Variants in DLX3 observed in about 807,000 individuals in gnomAD.
The protein encoded by DLX3 is distal-less homeobox 3, also known as homeobox protein DLX-3.
In DLX3, 9 loss-of-function variants were observed where a neutral mutation model predicts 28.0. The ratio of observed to expected loss-of-function variants is 0.32; its 90% CI spans 0.19 to 0.56. The LOEUF is 0.56. DLX3 is among the 20% of genes least tolerant of loss of function. The probability of loss-of-function intolerance (pLI) is 0.91; values close to 1 mark genes in which losing one functional copy is unlikely to be tolerated. For missense variants in DLX3, 313 were observed against 378.2 expected, an observed-to-expected ratio of 0.83 and a Z score of 1.43; for synonymous variants, 154 against 167.9, an observed-to-expected ratio of 0.92 and a Z score of 0.64.
intron 2 of DLX3, 135 bp from the exon 3 acceptor site, chr17:49,991,999 C>G (rs1482996005): frequency 1.2e-6 from 1 of 842,032 alleles, no homozygotes; most frequent in Non-Finnish European, 1.9e-6. Context: ...GGCCTCCTGA[C>G]TCCCAGTTTC....
rs911100719 is a variant in DLX3, at chr17:49,994,660, C to T, written c.325+14G>A. The T allele has an allele frequency of 1.9e-6, 3 of 1,614,016 alleles. No individual in the cohort carries two copies. Among genetic ancestry groups the T allele is most frequent in the South Asian group, 1.1e-5 (1 of 91,060 alleles). ...CAGTGTCTCCCACTGTCCTCGCGAC[C>T]CCGTGGCCCTCACCTGGGTCCTGGG... is the stretch of plus-strand genomic sequence containing the variant. On this transcript the variant is annotated intron_variant, in intron 1 of 2. Coordinates refer to ENST00000434704, the MANE Select transcript of DLX3 (RefSeq NM_005220.3).
Position 49,991,355 on chromosome 17 carries a change from A to C in DLX3, c.*162T>G. The C allele has an allele frequency of 6.1e-6, 4 of 659,968 alleles. No individual in the cohort carries two copies. Among genetic ancestry groups the C allele is most frequent in the South Asian group, 2.0e-5 (1 of 51,056 alleles). 40.9% of individuals were successfully genotyped at this position (659,968 alleles called of 1,614,324 possible). ...TCAGGGGGCATCCTTGGTCCATGCA[A>C]TTGTCATCTGGAAGCGCTTGGGTCC... On this transcript the variant is annotated 3_prime_UTR_variant, in exon 3 of 3. Transcript: ENST00000434704.
Position 49,995,008 on chromosome 17 carries a change from C to T in DLX3, c.-10G>A. The T allele has an allele frequency of 6.2e-7, 1 of 1,609,592 alleles. No individual in the cohort carries two copies. The stretch of plus-strand genomic sequence containing the variant: ...CGAAGGAGCCACTCATCCTGGCGGG[C>T]GCTGCACCTCCCCAGGGCTGGCCTC... On this transcript the variant is annotated 5_prime_UTR_variant, in exon 1 of 3. Coordinates refer to ENST00000434704, the MANE Select transcript of DLX3 (RefSeq NM_005220.3).
Position 49,991,560 on chromosome 17 carries a change from T to C in DLX3, c.821A>G (p.His274Arg). The C allele has an allele frequency of 1.2e-6, 2 of 1,611,740 alleles. No individual in the cohort carries two copies. Among genetic ancestry groups the C allele is most frequent in the East Asian group, 2.2e-5 (1 of 44,858 alleles). ...GTTGGGCGGGGGCCCGGGAGAGGCA[T>C]GGTGCAGGGTGGCTGGCTGAGGCGG... is the stretch of plus-strand genomic sequence containing the variant. ...QQPPQPATLH[H>R]ASPGPPPNPG... Residue 274 changes from histidine to arginine, a missense_variant, in exon 3 of 3, where the codon CAT becomes CGT. Physicochemically the swap from His to Arg is conservative, Grantham distance 29 (BLOSUM62 0). This residue lies in a region of DLX3 where 120 missense variants were observed against 145.4 expected (regional missense o/e 0.83). Transcript: ENST00000434704.
chr17:49,990,845 A>C lies in DLX3; in HGVS notation c.*672T>G, dbSNP rs1199044392. Reference sequence around the variant, plus strand: ...CACCCCTCCTCTCGGAACGGAGGAGAGGGGAGAGAGATGGCTCCTTTAGTT... The same window carrying C: ...CACCCCTCCTCTCGGAACGGAGGAGCGGGGAGAGAGATGGCTCCTTTAGTT... On this transcript the variant is annotated 3_prime_UTR_variant, in exon 3 of 3. Transcript: ENST00000434704. The C allele has an allele frequency of 6.6e-6, 1 of 152,652 alleles. No individual in the cohort carries two copies. The highest frequency in any genetic ancestry group is 1.5e-5 in the Non-Finnish European group (1 of 68,058). The allele number at this position is 152,652 out of a possible 1,614,324, so 9.5% of individuals were successfully genotyped here. A position where few individuals can be genotyped will look rare whatever the true frequency, so the allele number is the denominator to read the frequency against.
intron 2 of DLX3, 49 bp downstream of exon 2, chr17:49,993,351 A>C: frequency 5.3e-6 from 8 of 1,521,990 alleles, no homozygotes; most frequent in East Asian, 2.5e-5. Context: ...CGCGCGGGGA[A>C]CTACGGGGTC....
intron 2 of DLX3, 42 bp downstream of exon 2, chr17:49,993,358 G>C: frequency 6.5e-7 from 1 of 1,545,158 alleles, no homozygotes; most frequent in Non-Finnish European, 8.7e-7. Context: ...GGAACTACGG[G>C]GTCCCGCGCG....
At position 49,994,736 on chromosome 17, in the gene DLX3, T is replaced by C. The variant is rs772972332; in HGVS notation, c.263A>G (p.Tyr88Cys). 1.1e-5 allele frequency: 18 copies of C among 1,614,084 alleles called. No homozygotes were observed. Among genetic ancestry groups the C allele is most frequent in the South Asian group, 1.1e-4 (10 of 91,082 alleles). The change falls in exon 1 of 3, where the codon TAC (tyrosine) becomes TGC (cysteine). Residue 88 changes from tyrosine to cysteine, a missense_variant. Physicochemically the swap from Tyr to Cys is radical, Grantham distance 194. Around this residue, in one of 3 missense-constraint regions of DLX3, gnomAD observed 183 missense variants for 197.7 expected, o/e 0.93. Coordinates refer to ENST00000434704, the MANE Select transcript of DLX3 (RefSeq NM_005220.3). ...CCCGTATTGCCGGTAGGAGGCTCCG[T>C]AGGTATATTCCGACTTGGGCGAGTA... ...GAYSPKSEYT[Y>C]GASYRQYGAY...
Position 49,991,594 on chromosome 17 carries a change from G to C in DLX3, c.787C>G (p.Gln263Glu), listed in dbSNP as rs538517320. The part of the protein sequence containing the change: ...HAQNLSGPHL[Q>E]QQPPQPATLH... ...GTGGCTGGCTGAGGCGGCTGCTGCT[G>C]TAAGTGGGGTCCACTCAGGTTCTGT... The change falls in exon 3 of 3, where the codon CAG (glutamine) becomes GAG (glutamate). Residue 263 changes from glutamine (Q) to glutamate (E), a missense_variant. Gln to Glu is a conservative substitution (Grantham distance 29). This residue lies in a region of DLX3 where 120 missense variants were observed against 145.4 expected (regional missense o/e 0.83). Transcript: ENST00000434704. The C allele has an allele frequency of 1.5e-5, 24 of 1,613,310 alleles. No homozygotes were observed. In the South Asian group the frequency reaches 2.2e-4, roughly 15 times the overall value.
At position 49,991,708 on chromosome 17, in the gene DLX3, C is replaced by A. The variant is rs745331311; in HGVS notation, c.673G>T (p.Ala225Ser). The A allele has an allele frequency of 1.2e-6, 2 of 1,612,896 alleles. No homozygotes were observed. Among genetic ancestry groups the A allele is most frequent in the Non-Finnish European group, 8.5e-7 (1 of 1,179,648 alleles). The change falls in exon 3 of 3, where the codon GCC (alanine) becomes TCC (serine). Residue 225 changes from alanine to serine, a missense_variant. Around this residue, in one of 3 missense-constraint regions of DLX3, gnomAD observed 120 missense variants for 145.4 expected, o/e 0.83. Coordinates refer to ENST00000434704, the MANE Select transcript of DLX3 (RefSeq NM_005220.3). ...LWDTSSHSTP[A>S]PARSQLPPPL... is the part of the protein sequence containing the mutation. The stretch of plus-strand genomic sequence containing the variant: ...GGGGGCAGCTGACTGCGGGCAGGGG[C>A]CGGAGTGGAGTGGGAAGAGGTGTCC...
At chr17:49,993,897 C>T (rs1418443264) in intron 1 of DLX3, among the ~76,000 whole-genome samples, 1 of 152,128 alleles carries the variant, frequency 6.6e-6, no homozygotes, top group Non-Finnish European at 1.5e-5. Context: ...GCTCGCCTCC[C>T]AGCCTCGGGG....
chr17:49,993,469 C>T lies in DLX3; in HGVS notation c.447G>A (p.Gln149=). The change falls in exon 2 of 3, where the codon CAG becomes CAA. Residue 149 remains glutamine, a synonymous_variant. Transcript: ENST00000434704. The part of the protein sequence containing the change: ...YQLAALQRRF[Q]KAQYLALPER... Reference sequence around the variant, plus strand: ...CGGGCAGCGCCAGGTACTGGGCCTTCTGGAAGCGGCGCTGCAGGGCGGCCA... The same window carrying T: ...CGGGCAGCGCCAGGTACTGGGCCTTTTGGAAGCGGCGCTGCAGGGCGGCCA... 1 of 1,612,596 alleles carries T rather than the reference C, an allele frequency of 6.2e-7. No individual in the cohort carries two copies. Among genetic ancestry groups the T allele is most frequent in the Non-Finnish European group, 8.5e-7 (1 of 1,179,450 alleles).
chr17:49,995,112 A>G lies in DLX3; in HGVS notation c.-114T>C. The G allele has an allele frequency of 7.4e-7, 1 of 1,349,418 alleles. No individual in the cohort carries two copies. Among genetic ancestry groups the G allele is most frequent in the South Asian group, 1.3e-5 (1 of 79,908 alleles). The allele number at this position is 1,349,418 out of a possible 1,614,324, so 83.6% of individuals were successfully genotyped here. A position where few individuals can be genotyped will look rare whatever the true frequency, so the allele number is the denominator to read the frequency against. ...GGGTGTGTGTCCAGAAGGCGAAGGG[A>G]GGACCCGGCCGCGTCTGGGGGGAGG... On this transcript the variant is annotated 5_prime_UTR_variant, in exon 1 of 3. Coordinates refer to ENST00000434704, the MANE Select transcript of DLX3 (RefSeq NM_005220.3).
chr17:49,992,465 G>C (rs1291944001), intron 2 of DLX3, among the ~76,000 whole-genome samples: 1 of 152,050 alleles, frequency 6.6e-6, no homozygotes, highest in African/African-American at 2.4e-5. Flanking sequence ...CACAACATGA[G>C]CACCCACATT....
rs1240900908 is a variant in DLX3 at position 49,990,833 on chromosome 17, G to T, written c.*684C>A. On this transcript the variant is annotated 3_prime_UTR_variant, in exon 3 of 3. Transcript: ENST00000434704. ...ACGTCTGAGACCCACCCCTCCTCTCGGAACGGAGGAGAGGGGAGAGAGATG... is the reference window on the plus strand; with the variant it reads ...ACGTCTGAGACCCACCCCTCCTCTCTGAACGGAGGAGAGGGGAGAGAGATG... 6.6e-6 allele frequency: 1 copy of T among 152,640 alleles called. No individual in the cohort carries two copies. The highest frequency in any genetic ancestry group is 1.5e-5 in the Non-Finnish European group (1 of 68,046). The allele number at this position is 152,640 out of a possible 1,614,324, so 9.5% of individuals were successfully genotyped here.
At position 49,990,607 on chromosome 17, in the gene DLX3, T is replaced by TG. The variant is rs1046178924; in HGVS notation, c.*909dup. 3.3e-5 allele frequency: 5 copies of TG among 152,588 alleles called. No homozygotes were observed. Among genetic ancestry groups the TG allele is most frequent in the African/African-American group, 1.2e-4 (5 of 41,440 alleles). The allele number at this position is 152,588 out of a possible 1,614,324, so 9.5% of individuals were successfully genotyped here. ...TGCCTGGTATGTCTCTTTGGAGATT[T>TG]GGGGTTTGGCACCAAAACTGCCAAC... is the stretch of plus-strand genomic sequence containing the variant. On this transcript the variant is annotated 3_prime_UTR_variant, in exon 3 of 3. Coordinates refer to ENST00000434704, the MANE Select transcript of DLX3 (RefSeq NM_005220.3).
At chr17:49,992,795 G>T (rs977488487) in intron 2 of DLX3, among the ~76,000 whole-genome samples, 2 of 152,214 alleles carry the variant, frequency 1.3e-5, no homozygotes, top group African/African-American at 4.8e-5. Context: ...CTGGATGAGG[G>T]TGGGGGTGCG....
intron 2 of DLX3, among the ~76,000 whole-genome samples, chr17:49,993,132 A>T (rs1016924232): frequency 6.6e-6 from 1 of 152,202 alleles, no homozygotes; most frequent in Non-Finnish European, 1.5e-5. Context: ...GTGGACTCCT[A>T]CTAAGTGACT....
rs942193983 is a variant in DLX3 at position 49,990,414 on chromosome 17, T to C, written c.*1103A>G. 6.6e-6 allele frequency: 1 copy of C among 151,824 alleles called. No homozygotes were observed. Among genetic ancestry groups the C allele is most frequent in the Non-Finnish European group, 1.5e-5 (1 of 67,914 alleles). The allele number at this position is 151,824 out of a possible 1,614,324, so 9.4% of individuals were successfully genotyped here. ...GGAAAGTTAGCTTTGGTGGGATGTC[T>C]GGGTCAGGGAGGGGCAGTGCCACCA... On this transcript the variant is annotated 3_prime_UTR_variant, in exon 3 of 3. Transcript: ENST00000434704.
Sources: allele counts gnomAD v4.1 joint callset (sites outside exome capture counted in the v4.1 genomes callset), GRCh38; gene constraint gnomAD v4.1.1; regional missense constraint gnomAD v4.1.1; transcripts MANE v1.5; gene names NCBI Gene and HGNC (gene_info 2026-07-23, HGNC 2026-07-21).